MED4: variants seen among roughly 807,000 people sequenced by gnomAD.
MED4 encodes the protein mediator complex subunit 4, also known as mediator of RNA polymerase II transcription subunit 4.
MED4 carries 21 observed loss-of-function variants against 35.0 expected under a neutral mutation model. That is an observed-to-expected ratio of 0.60 (90% CI 0.43 to 0.86). The LOEUF is 0.86. MED4 is among the 40% of genes least tolerant of loss of function. The probability of loss-of-function intolerance (pLI) is 0.00; values close to 1 mark genes in which losing one functional copy is unlikely to be tolerated. For synonymous variants in MED4, 138 were observed against 114.0 expected, an observed-to-expected ratio of 1.21 and a Z score of -1.34; for missense variants, 300 against 319.4, an observed-to-expected ratio of 0.94 and a Z score of 0.46.
chr13:48,091,335 A>G (rs1436313615), intron 1 of MED4, among the ~76,000 whole-genome samples: 1 of 152,230 alleles, frequency 6.6e-6, no homozygotes, highest in Non-Finnish European at 1.5e-5. Context: ...ATGTTTATAT[A>G]TTAGTTTCAA....
intron 3 of MED4, among the ~76,000 whole-genome samples, chr13:48,085,501 A>G (rs1296840348): frequency 6.6e-6 from 1 of 152,166 alleles, no homozygotes; most frequent in East Asian, 1.9e-4. Flanking sequence ...TGATTTTAAT[A>G]TATTTTTAAA....
intron 2 of MED4, among the ~76,000 whole-genome samples, chr13:48,088,727 T>A (rs567631111): frequency 2.6e-5 from 4 of 152,354 alleles, no homozygotes; most frequent in Non-Finnish European, 4.4e-5. Context: ...CATTAACCTC[T>A]ACCTCATCCG....
At position 48,086,319 on chromosome 13, in the gene MED4, T is replaced by C; in HGVS notation, c.326A>G (p.Gln109Arg). The C allele has an allele frequency of 6.2e-7, 1 of 1,613,940 alleles. No homozygotes were observed. The highest frequency in any genetic ancestry group is 8.5e-7 in the Non-Finnish European group (1 of 1,179,938). ...EVEKRDSDIQQLQKQLKEAEQ... is the reference protein window; with the variant it reads ...EVEKRDSDIQRLQKQLKEAEQ... Reference sequence around the variant, plus strand: ...TGCTTCCTTTAGCTGTTTTTGTAGCTGCTGAATATCACTGTCTCTCTTCTC... The same window carrying C: ...TGCTTCCTTTAGCTGTTTTTGTAGCCGCTGAATATCACTGTCTCTCTTCTC... The change falls in exon 3 of 7, where the codon CAG becomes CGG. Residue 109 changes from glutamine to arginine, a missense_variant. By Grantham distance (43) the Gln-to-Arg change is conservative. Transcript: ENST00000258648.
chr13:48,081,792 T>A (rs139584554), intron 4 of MED4, 61 bp from the exon 5 acceptor site: 1 of 1,042,794 alleles, frequency 9.6e-7, no homozygotes, highest in African/African-American at 1.6e-5. Context: ...AGTTTAGAAA[T>A]GTATCTATCA....
chr13:48,092,669 T>C (rs1208978536), intron 1 of MED4, among the ~76,000 whole-genome samples: 4 of 152,152 alleles, frequency 2.6e-5, no homozygotes, highest in Non-Finnish European at 5.9e-5. Flanking sequence ...CTTTTGGAGG[T>C]AGAGCTAACA....
At position 48,081,637 on chromosome 13, in the gene MED4, A is replaced by G; in HGVS notation, c.508+8T>C. 1 of 1,597,912 alleles carries G rather than the reference A, an allele frequency of 6.3e-7. No homozygotes were observed. The highest frequency in any genetic ancestry group is 8.6e-7 in the Non-Finnish European group (1 of 1,168,600). ...ATATATCTAGTATAATAAGACGAGTATGTTTACCTGGAACCCAGGTCAGTG... is the reference window on the plus strand; with the variant it reads ...ATATATCTAGTATAATAAGACGAGTGTGTTTACCTGGAACCCAGGTCAGTG... On this transcript the variant is annotated splice_region_variant and intron_variant, in intron 5 of 6. Transcript: ENST00000258648.
chr13:48,084,046 A>C (rs1263325033), intron 3 of MED4, among the ~76,000 whole-genome samples: 1 of 152,126 alleles, frequency 6.6e-6, no homozygotes, highest in African/African-American at 2.4e-5. Context: ...AGATCATTTG[A>C]GATCAGGAGT....
At position 48,077,191 on chromosome 13, in the gene MED4, T is replaced by A. The variant is rs990270557; in HGVS notation, c.761A>T (p.Asp254Val). The A allele has an allele frequency of 6.2e-7, 1 of 1,609,046 alleles. No individual in the cohort carries two copies. Among genetic ancestry groups the A allele is most frequent in the East Asian group, 2.3e-5 (1 of 44,410 alleles). The change falls in exon 7 of 7, where the codon GAT becomes GTT. Residue 254 changes from aspartate (D) to valine (V), a missense_variant. Asp to Val is a radical substitution (Grantham distance 152). Coordinates refer to ENST00000258648, the MANE Select transcript of MED4 (RefSeq NM_014166.4). ...GGAGTCCGTTGACATAATCTCTACA[T>A]CATCTTCATTTTCTTTATTATGCCC... ...PPGHNKENED[D>V]VEIMSTDSSS...
At chr13:48,079,236 G>A (rs576243809) in intron 6 of MED4, among the ~76,000 whole-genome samples, 3 of 152,164 alleles carry the variant, frequency 2.0e-5, no homozygotes, top group Admixed American at 6.5e-5. Context: ...ACTTTATTCC[G>A]TAAACTATCT....
intron 6 of MED4, chr13:48,077,618 C>T (rs1950770835): frequency 1.2e-5 from 2 of 166,836 alleles, no homozygotes; most frequent in African/African-American, 4.8e-5. Flanking sequence ...ACTATGTTAA[C>T]CAGGCTGGTC....
chr13:48,090,430 A>C lies in MED4; in HGVS notation c.126-12T>G. ...TTTCTATAAGTTCCCTAAAAAAAAAAAACCAACAACAACAAAAACCCTTTC... is the reference window on the plus strand; with the variant it reads ...TTTCTATAAGTTCCCTAAAAAAAAACAACCAACAACAACAAAAACCCTTTC... On this transcript the variant is annotated splice_polypyrimidine_tract_variant and intron_variant, in intron 1 of 6. Coordinates refer to ENST00000258648, the MANE Select transcript of MED4 (RefSeq NM_014166.4). The C allele has an allele frequency of 6.3e-7, 1 of 1,587,132 alleles. No homozygotes were observed. The highest frequency in any genetic ancestry group is 8.5e-7 in the Non-Finnish European group (1 of 1,169,836).
chr13:48,089,026 T>C (rs762360919), intron 2 of MED4, among the ~76,000 whole-genome samples: 2 of 152,234 alleles, frequency 1.3e-5, no homozygotes, highest in African/African-American at 2.4e-5. Context: ...GCCTGGCTCA[T>C]AGCAAGCATT....
chr13:48,079,385 C>CCT (rs2137827682), intron 6 of MED4, among the ~76,000 whole-genome samples: 1 of 152,280 alleles, frequency 6.6e-6, no homozygotes, highest in African/African-American at 2.4e-5. Flanking sequence ...TAATTTCATA[C>CCT]CTCCCTCAAG....
At chr13:48,090,027 T>C (rs527423278) in intron 2 of MED4, among the ~76,000 whole-genome samples, 3 of 152,216 alleles carry the variant, frequency 2.0e-5, no homozygotes, top group Non-Finnish European at 2.9e-5. Context: ...TTCTAAATAT[T>C]GTTGTAATCT....
In MED4 at chr13:48,094,936, T is replaced by A. The variant is rs1950918264; in HGVS notation, c.125+18A>T. The A allele has an allele frequency of 1.0e-5, 16 of 1,600,024 alleles. No homozygotes were observed. The highest frequency in any genetic ancestry group is 1.4e-5 in the Non-Finnish European group (16 of 1,178,728). On this transcript the variant is annotated intron_variant, in intron 1 of 6. Transcript: ENST00000258648. ...CCCCGGCCCAGCTCCAGCCCGGCTCTCAGGCTCGCCGCATTACCTAGACAG... is the reference window on the plus strand; with the variant it reads ...CCCCGGCCCAGCTCCAGCCCGGCTCACAGGCTCGCCGCATTACCTAGACAG...
At chr13:48,088,303 T>C (rs925525468) in intron 2 of MED4, among the ~76,000 whole-genome samples, 2 of 152,224 alleles carry the variant, frequency 1.3e-5, no homozygotes, top group African/African-American at 4.8e-5. Flanking sequence ...GACTAAAAAG[T>C]ACAGGTATGC....
intron 6 of MED4, among the ~76,000 whole-genome samples, chr13:48,079,537 C>T (rs541274008): frequency 3.3e-5 from 5 of 151,972 alleles, no homozygotes; most frequent in Non-Finnish European, 7.4e-5. Context: ...GTCAGGAGTT[C>T]GAGACCAGCC....
At chr13:48,080,985 C>A (rs1371281810) in intron 5 of MED4, among the ~76,000 whole-genome samples, 2 of 152,202 alleles carry the variant, frequency 1.3e-5, no homozygotes, top group African/African-American at 2.4e-5. Context: ...CACATCTCAC[C>A]AACTGCAGCT....
intron 4 of MED4, among the ~76,000 whole-genome samples, chr13:48,082,634 T>C (rs1566118169): frequency 6.6e-6 from 1 of 152,202 alleles, no homozygotes; most frequent in South Asian, 2.1e-4. Context: ...AAGACCATCC[T>C]GGCTAACACA....
Sources: gnomAD v4.1 joint callset for allele counts (sites outside exome capture counted in the v4.1 genomes callset) on GRCh38, gnomAD v4.1.1 for gene constraint, MANE v1.5 for transcripts, NCBI Gene and HGNC (gene_info 2026-07-23, HGNC 2026-07-21) for gene names.